The following REEP4 variants were observed in gnomAD, a reference collection of about 807,000 sequenced individuals.
REEP4 encodes the protein receptor accessory protein 4, also known as receptor expression-enhancing protein 4.
In REEP4, 17 loss-of-function variants were observed where a neutral mutation model predicts 33.5. That is an observed-to-expected ratio of 0.51 (90% CI 0.35 to 0.76). The LOEUF (loss-of-function observed/expected upper bound fraction) is 0.76. REEP4 is among the 30% of genes least tolerant of loss of function. The pLI, the probability that REEP4 is intolerant of heterozygous loss-of-function variation, is 0.01. For synonymous variants in REEP4, 157 were observed against 142.9 expected (o/e 1.10, Z -0.70); for missense variants, 340 against 357.9 (o/e 0.95, Z 0.40).
Position 22,141,598 on chromosome 8 carries a change from G to A in REEP4, c.-116C>T, listed in dbSNP as rs1827233122. The A allele has an allele frequency of 1.4e-5, 15 of 1,106,122 alleles. No individual in the cohort carries two copies. Among genetic ancestry groups the A allele is most frequent in the South Asian group, 1.2e-4 (7 of 59,124 alleles). 68.5% of individuals were successfully genotyped at this position (1,106,122 alleles called of 1,614,324 possible). On this transcript the variant is annotated 5_prime_UTR_variant, in exon 1 of 8. Transcript: ENST00000306306. ...TTGCGGGAAGCAGAGGGGCGATCCG[G>A]CTGTCCCTCGGCGGAGGCAGAGCCC...
chr8:22,138,898 A>G (rs76890212), intron 6 of REEP4, 28 bp downstream of exon 6: 27,506 of 1,555,602 alleles, frequency 0.018, 269 homozygotes, highest in Middle Eastern at 0.019. Context: ...CCCTCCTGGC[A>G]TGGCTCTGGG....
intron 4 of REEP4, 100 bp downstream of exon 4, chr8:22,139,863 G>A (rs1375587243): frequency 2.1e-6 from 3 of 1,438,400 alleles, no homozygotes; most frequent in Non-Finnish European, 2.8e-6. Context: ...AGCAGGACTG[G>A]GATAGAACCC....
Position 22,141,837 on chromosome 8 carries a change from C to T in REEP4, c.-355G>A, listed in dbSNP as rs767104315. ...CTGGAGCGGGTCGCCGCGGTTCCAGCGCGCCGGGCCACCAGCACCGGCCTA... is the reference window on the plus strand; with the variant it reads ...CTGGAGCGGGTCGCCGCGGTTCCAGTGCGCCGGGCCACCAGCACCGGCCTA... On this transcript the variant is annotated 5_prime_UTR_variant, in exon 1 of 8. Transcript: ENST00000306306. 4 of 284,698 alleles carry T rather than the reference C, an allele frequency of 1.4e-5. No homozygotes were observed. The South Asian group carries it at 2.8e-4, about 20-fold the overall frequency. The allele number at this position is 284,698 out of a possible 1,614,324, so 17.6% of individuals were successfully genotyped here.
In REEP4 at chr8:22,138,041, T is replaced by G; in HGVS notation, c.*446A>C. The G allele has an allele frequency of 2.3e-6, 1 of 437,192 alleles. No individual in the cohort carries two copies. Among genetic ancestry groups the G allele is most frequent in the South Asian group, 2.6e-5 (1 of 38,666 alleles). 27.1% of individuals were successfully genotyped at this position (437,192 alleles called of 1,614,324 possible). ...CAGAGCCCCTTTATGTATTTATTTA[T>G]CAAAACACTCGCAAACCTGACCTCA... is the stretch of plus-strand genomic sequence containing the variant. On this transcript the variant is annotated 3_prime_UTR_variant, in exon 8 of 8. Coordinates refer to ENST00000306306, the MANE Select transcript of REEP4 (RefSeq NM_025232.4).
chr8:22,140,342 G>A (rs544627650), intron 2 of REEP4, 94 bp from the exon 3 acceptor site: 33 of 1,278,264 alleles, frequency 2.6e-5, no homozygotes, highest in South Asian at 8.4e-5. Flanking sequence ...GAGCCTGTCC[G>A]GCTGCATAGC....
Position 22,141,559 on chromosome 8 carries a change from G to T in REEP4, c.-77C>A. ...CGTTCACTCAAGGGCTGGGACGGGGGGTGATCAGGGCAGTTGCGGGAAGCA... is the reference window on the plus strand; with the variant it reads ...CGTTCACTCAAGGGCTGGGACGGGGTGTGATCAGGGCAGTTGCGGGAAGCA... On this transcript the variant is annotated 5_prime_UTR_variant, in exon 1 of 8. Transcript: ENST00000306306. 1 of 1,492,030 alleles carries T rather than the reference G, an allele frequency of 6.7e-7. No homozygotes were observed. The allele number at this position is 1,492,030 out of a possible 1,614,324, so 92.4% of individuals were successfully genotyped here.
chr8:22,138,626 C>T lies in REEP4; in HGVS notation c.708+13G>A, dbSNP rs1240062533. ...CAGAGCCCTCCTCCCTCCTGTCGTC[C>T]TCCCACACTGACCTCCCGCACCGGT... On this transcript the variant is annotated intron_variant, in intron 7 of 7. Coordinates refer to ENST00000306306, the MANE Select transcript of REEP4 (RefSeq NM_025232.4). The T allele has an allele frequency of 1.9e-6, 3 of 1,613,998 alleles. No homozygotes were observed. Among genetic ancestry groups the T allele is most frequent in the Non-Finnish European group, 2.5e-6 (3 of 1,180,028 alleles).
At chr8:22,141,360 A>C in intron 1 of REEP4, 91 bp downstream of exon 1, 1 of 1,457,618 alleles carries the variant, frequency 6.9e-7, no homozygotes, top group East Asian at 2.5e-5. Context: ...GAGCTCAGAA[A>C]GTTCCTCCTC....
intron 1 of REEP4, 44 bp downstream of exon 1, chr8:22,141,407 A>T: frequency 6.3e-7 from 1 of 1,589,332 alleles, no homozygotes; most frequent in African/African-American, 1.4e-5. Context: ...CAGGGGCGGG[A>T]CGGCACCCCG....
At chr8:22,139,810 A>G in intron 4 of REEP4, 153 bp downstream of exon 4, 1 of 939,126 alleles carries the variant, frequency 1.1e-6, no homozygotes, top group South Asian at 1.7e-5. Context: ...ATCCCAGAAG[A>G]TGAGGTAGGC....
rs1335111580 is a variant in REEP4, at chr8:22,138,733, T to TG, written c.613_614insC (p.Glu205AlafsTer100). Reference sequence around the variant, plus strand: ...CCGGGCTGGCGCCCGGGGGACTGCCTCAGTATCTGACCAACACTCATCCTC... The same window carrying TG: ...CCGGGCTGGCGCCCGGGGGACTGCCTGCAGTATCTGACCAACACTCATCCTC... On this transcript the variant is annotated frameshift_variant, in exon 7 of 8. Transcript: ENST00000306306. LOFTEE classifies it high-confidence loss of function. 1 of 1,612,996 alleles carries TG rather than the reference T, an allele frequency of 6.2e-7. No individual in the cohort carries two copies. The highest frequency in any genetic ancestry group is 2.2e-5 in the East Asian group (1 of 44,848).
rs773627081 is a variant in REEP4, at chr8:22,138,405, C to T, written c.*82G>A. Reference sequence around the variant, plus strand: ...GCCCAGGCAGCTGGTGCAGGCAGGCCAGATGTGCAGCCCAAGGTCCCTCCA... The same window carrying T: ...GCCCAGGCAGCTGGTGCAGGCAGGCTAGATGTGCAGCCCAAGGTCCCTCCA... On this transcript the variant is annotated 3_prime_UTR_variant, in exon 8 of 8. Coordinates refer to ENST00000306306, the MANE Select transcript of REEP4 (RefSeq NM_025232.4). 1 of 1,523,952 alleles carries T rather than the reference C, an allele frequency of 6.6e-7. No homozygotes were observed. Among genetic ancestry groups the T allele is most frequent in the Non-Finnish European group, 9.0e-7 (1 of 1,108,568 alleles). The allele number at this position is 1,523,952 out of a possible 1,614,324, so 94.4% of individuals were successfully genotyped here.
chr8:22,138,258 C>G lies in REEP4; in HGVS notation c.*229G>C. On this transcript the variant is annotated 3_prime_UTR_variant, in exon 8 of 8. Coordinates refer to ENST00000306306, the MANE Select transcript of REEP4 (RefSeq NM_025232.4). ...CAACCGGGGAAGGGAGAGGGCAGAG[C>G]AAGGCAATAAATAGAACCCTGGGCC... The G allele has an allele frequency of 1.5e-6, 1 of 680,448 alleles. No individual in the cohort carries two copies. The highest frequency in any genetic ancestry group is 2.1e-5 in the Admixed American group (1 of 48,602). The allele number at this position is 680,448 out of a possible 1,614,324, so 42.2% of individuals were successfully genotyped here.
chr8:22,141,857 G>A lies in REEP4; in HGVS notation c.-375C>T. The stretch of plus-strand genomic sequence containing the variant: ...TCCAGCGCGCCGGGCCACCAGCACC[G>A]GCCTACAGGGCGGAGTTCGCAACTC... On this transcript the variant is annotated 5_prime_UTR_variant, in exon 1 of 8. Transcript: ENST00000306306. The A allele has an allele frequency of 3.9e-6, 1 of 255,252 alleles. No homozygotes were observed. Among genetic ancestry groups the A allele is most frequent in the Non-Finnish European group, 7.5e-6 (1 of 134,042 alleles). 15.8% of individuals were successfully genotyped at this position (255,252 alleles called of 1,614,324 possible).
rs1462707626 is a variant in REEP4, at chr8:22,138,425, C to A, written c.*62G>T. 1 of 1,585,268 alleles carries A rather than the reference C, an allele frequency of 6.3e-7. No individual in the cohort carries two copies. On this transcript the variant is annotated 3_prime_UTR_variant, in exon 8 of 8. Coordinates refer to ENST00000306306, the MANE Select transcript of REEP4 (RefSeq NM_025232.4). Reference sequence around the variant, plus strand: ...CAGGCCAGATGTGCAGCCCAAGGTCCCTCCAAATAGCCCTGGAGCCCTGCA... The same window carrying A: ...CAGGCCAGATGTGCAGCCCAAGGTCACTCCAAATAGCCCTGGAGCCCTGCA...
In REEP4 at chr8:22,141,857, G is replaced by C. The variant is rs369278958; in HGVS notation, c.-375C>G. On this transcript the variant is annotated 5_prime_UTR_variant, in exon 1 of 8. Transcript: ENST00000306306. ...TCCAGCGCGCCGGGCCACCAGCACC[G>C]GCCTACAGGGCGGAGTTCGCAACTC... 9 of 255,252 alleles carry C rather than the reference G, an allele frequency of 3.5e-5. No homozygotes were observed. The highest frequency in any genetic ancestry group is 2.3e-3 in the Middle Eastern group (2 of 886). The allele number at this position is 255,252 out of a possible 1,614,324, so 15.8% of individuals were successfully genotyped here.
In REEP4 at chr8:22,138,677, TC is replaced by T; in HGVS notation, c.669del (p.Ser224AlafsTer19). The T allele has an allele frequency of 6.2e-7, 1 of 1,613,810 alleles. No homozygotes were observed. The highest frequency in any genetic ancestry group is 1.7e-5 in the Admixed American group (1 of 60,014). ...GGCTTCCTCTTGACCACACGCAGGC[TC>T]TGGCTGCGGATTAGGGGCTTCTCTC... is the stretch of plus-strand genomic sequence containing the variant. ...RPREKPLIRSQSLRVVKRKPP... is the reference protein window; with the variant it reads ...RPREKPLIRSXSLRVVKRKPP... On this transcript the variant is annotated frameshift_variant, in exon 7 of 8. Transcript: ENST00000306306. LOFTEE classifies it high-confidence loss of function.
At position 22,140,082 on chromosome 8, in the gene REEP4, A is replaced by G. The variant is rs779539480; in HGVS notation, c.184T>C (p.Phe62Leu). 6.2e-7 allele frequency: 1 copy of G among 1,613,992 alleles called. No individual in the cohort carries two copies. Among genetic ancestry groups the G allele is most frequent in the South Asian group, 1.1e-5 (1 of 91,062 alleles). The change falls in exon 4 of 8, where the codon TTC (phenylalanine) becomes CTC (leucine). Residue 62 changes from phenylalanine to leucine, a missense_variant and splice_region_variant. By Grantham distance (22) the Phe-to-Leu change is conservative. Transcript: ENST00000306306. ...EIVTDIFISW[F>L]PFYYEIKMAF... ...ATCTTGATCTCATAGTAGAAAGGGA[A>G]CCTGTCACAGCACAAGGGGCAGGGT... is the stretch of plus-strand genomic sequence containing the variant.
At chr8:22,139,359 C>T (rs1484563172) in intron 5 of REEP4, 57 bp downstream of exon 5, 1 of 1,439,070 alleles carries the variant, frequency 6.9e-7, no homozygotes, top group Non-Finnish European at 9.7e-7. Context: ...GCTGAATGAG[C>T]CCAAAGGGCC....
Sources: gnomAD v4.1 joint callset for allele counts on GRCh38, gnomAD v4.1.1 for gene constraint, MANE v1.5 for transcripts, NCBI Gene and HGNC (gene_info 2026-07-23, HGNC 2026-07-21) for gene names.